GTF3C5: variants seen among roughly 807,000 people sequenced by gnomAD.
GTF3C5 encodes the protein general transcription factor 3C polypeptide 5.
In GTF3C5, 47 loss-of-function variants were observed where a neutral mutation model predicts 61.0. The ratio of observed to expected loss-of-function variants is 0.77; its 90% CI spans 0.61 to 0.98. The LOEUF is 0.98. Ranked by LOEUF, GTF3C5 falls within the 50% of genes least tolerant of loss-of-function variation. GTF3C5 has a pLI of 0.00. For missense variants in GTF3C5, 659 were observed against 703.3 expected, an observed-to-expected ratio of 0.94 and a Z score of 0.71; for synonymous variants, 295 against 275.4, an observed-to-expected ratio of 1.07 and a Z score of -0.71.
At position 133,050,767 on chromosome 9, in the gene GTF3C5, T is replaced by C. The variant is rs1487263801; in HGVS notation, c.573-16T>C. The C allele has an allele frequency of 6.3e-7, 1 of 1,599,322 alleles. No individual in the cohort carries two copies. The highest frequency in any genetic ancestry group is 1.3e-5 in the African/African-American group (1 of 74,360). On this transcript the variant is annotated splice_polypyrimidine_tract_variant and intron_variant, in intron 3 of 10. Coordinates refer to ENST00000372097, the MANE Select transcript of GTF3C5 (RefSeq NM_012087.4). ...GCCTTGGTGCTCCTGTTCTCACCTG[T>C]ACTCTCTGCCCCCAGGGAAGGCTAC...
intron 1 of GTF3C5, among the ~76,000 whole-genome samples, chr9:133,035,209 C>T (rs1038078282): frequency 1.3e-5 from 2 of 152,162 alleles, no homozygotes; most frequent in African/African-American, 4.8e-5. Context: ...GCTTTAATTA[C>T]ATTATTAGCA....
At chr9:133,050,613 AG>A (rs1176177502) in intron 3 of GTF3C5, among the ~76,000 whole-genome samples, 169 bp from the exon 4 acceptor site, 3 of 152,208 alleles carry the variant, frequency 2.0e-5, no homozygotes, top group Non-Finnish European at 2.9e-5. Context: ...CTGTGAATAC[AG>A]GTTCCTTTAG....
chr9:133,057,818 C>T lies in GTF3C5; in HGVS notation c.1398C>T (p.Leu466=). The T allele has an allele frequency of 6.2e-7, 1 of 1,602,568 alleles. No individual in the cohort carries two copies. The highest frequency in any genetic ancestry group is 1.1e-5 in the South Asian group (1 of 89,408). Residue 466 remains leucine, a synonymous_variant, in exon 11 of 11, where the codon CTC becomes CTT. Transcript: ENST00000372097. ...CCTTGTCTCCTCCGGCCCCAGCTCTCTTTTCCAGCTCAGCCAAGGCTGATG... is the reference window on the plus strand; with the variant it reads ...CCTTGTCTCCTCCGGCCCCAGCTCTTTTTTCCAGCTCAGCCAAGGCTGATG... ...RQTIRSKRPA[L]FSSSAKADGG...
At chr9:133,039,069 G>C (rs115240776) in intron 1 of GTF3C5, among the ~76,000 whole-genome samples, 2 of 152,098 alleles carry the variant, frequency 1.3e-5, no homozygotes, top group Non-Finnish European at 2.9e-5. Context: ...TGTATTTTAC[G>C]GGGGAAGGAA....
intron 1 of GTF3C5, among the ~76,000 whole-genome samples, chr9:133,041,371 C>T (rs919998772): frequency 2.0e-5 from 3 of 152,194 alleles, no homozygotes; most frequent in African/African-American, 7.2e-5. Flanking sequence ...CCGTCCTGTA[C>T]GCCTGGCTCT....
intron 3 of GTF3C5, among the ~76,000 whole-genome samples, chr9:133,045,678 C>G (rs1201678519): frequency 6.6e-6 from 1 of 152,108 alleles, no homozygotes; most frequent in African/African-American, 2.4e-5. Context: ...CTCTGTCCAC[C>G]CAGGCTGGAG....
chr9:133,040,294 A>C (rs973469549), intron 1 of GTF3C5, among the ~76,000 whole-genome samples: 1 of 152,138 alleles, frequency 6.6e-6, no homozygotes, highest in Non-Finnish European at 1.5e-5. Context: ...ATCACTTCCT[A>C]AGGGACAGAC....
In GTF3C5 at chr9:133,054,025, C is replaced by A. The variant is rs192917791; in HGVS notation, c.988+83C>A. On this transcript the variant is annotated intron_variant, in intron 6 of 10. Coordinates refer to ENST00000372097, the MANE Select transcript of GTF3C5 (RefSeq NM_012087.4). ...TAGCATTCTCTTTTGTAGTAAGAAT[C>A]TTTTCATTTGGAAAGAATAAAAAAA... 327 of 918,908 alleles carry A rather than the reference C, an allele frequency of 3.6e-4. 5 individuals are homozygous for A. The East Asian group carries it at 4.9e-3, about 14-fold the overall frequency. The allele number at this position is 918,908 out of a possible 1,614,324, so 56.9% of individuals were successfully genotyped here.
rs34524914 is a variant in GTF3C5, at chr9:133,044,146, CAAAAAA to C, written c.572+238_572+243del. On this transcript the variant is annotated intron_variant, in intron 3 of 10. Transcript: ENST00000372097. ...GGTGACAGAGTGAGACTTTGTCTCC[CAAAAAA>C]AAAAAAAAAAAAAAAAAGAAAATGG... The C allele has an allele frequency of 4.4e-3, 476 of 108,392 alleles. 1 individual carries two copies. The highest frequency in any genetic ancestry group is 0.016 in the South Asian group (103 of 6,644). The allele number at this position is 108,392 out of a possible 1,614,324, so 6.7% of individuals were successfully genotyped here. A position where few individuals can be genotyped will look rare whatever the true frequency, so the allele number is the denominator to read the frequency against.
intron 8 of GTF3C5, chr9:133,055,174 C>A (rs749668379): frequency 1.3e-6 from 2 of 1,538,868 alleles, no homozygotes; most frequent in South Asian, 2.4e-5. Context: ...CCAGAGCAGG[C>A]CATGTGGGCT....
intron 1 of GTF3C5, among the ~76,000 whole-genome samples, chr9:133,033,625 G>A (rs1169425479): frequency 2.0e-5 from 3 of 152,100 alleles, no homozygotes; most frequent in African/African-American, 4.8e-5. Context: ...AGAGAGCTCG[G>A]CACGATTTAT....
Position 133,042,152 on chromosome 9 carries a change from A to G in GTF3C5, c.219A>G (p.Pro73=). ...GGCCCAAGGACCCATACTGCCACCC[A>G]GTGTGCGCCAACCGCTTCAGTACCA... is the stretch of plus-strand genomic sequence containing the variant. ...YFRPKDPYCH[P]VCANRFSTSS... is the part of the protein sequence containing the mutation. The change falls in exon 2 of 11, where the codon CCA becomes CCG. Residue 73 remains proline (P), a synonymous_variant. Coordinates refer to ENST00000372097, the MANE Select transcript of GTF3C5 (RefSeq NM_012087.4). 1 of 1,614,076 alleles carries G rather than the reference A, an allele frequency of 6.2e-7. No individual in the cohort carries two copies. The highest frequency in any genetic ancestry group is 1.7e-5 in the Admixed American group (1 of 60,000).
At chr9:133,042,585 A>T (rs1023503824) in intron 2 of GTF3C5, among the ~76,000 whole-genome samples, 5 of 152,204 alleles carry the variant, frequency 3.3e-5, no homozygotes, top group African/African-American at 1.2e-4. Flanking sequence ...GGACCAAATA[A>T]AACTGGTCAG....
chr9:133,055,416 G>A (rs1306060208), intron 8 of GTF3C5: 2 of 1,267,566 alleles, frequency 1.6e-6, no homozygotes, highest in Non-Finnish European at 2.0e-6. Context: ...GTCCCCCAGT[G>A]TCTGGGGCCC....
intron 3 of GTF3C5, chr9:133,044,148 A>G (rs1301805505): frequency 5.1e-6 from 1 of 195,818 alleles, no homozygotes; most frequent in Non-Finnish European, 9.1e-6. Context: ...TTGTCTCCCA[A>G]AAAAAAAAAA....
intron 3 of GTF3C5, 107 bp from the exon 4 acceptor site, chr9:133,050,676 G>A (rs1850343253): frequency 6.7e-6 from 5 of 745,492 alleles, no homozygotes; most frequent in Middle Eastern, 2.6e-4. Flanking sequence ...AGAGGCACAC[G>A]GTGGCTGTGG....
At chr9:133,035,296 C>T (rs547268110) in intron 1 of GTF3C5, among the ~76,000 whole-genome samples, 3 of 152,246 alleles carry the variant, frequency 2.0e-5, no homozygotes, top group Admixed American at 6.5e-5. Context: ...TTTAGGCAAC[C>T]GACTGGGGGC....
chr9:133,041,840 G>C lies in GTF3C5; in HGVS notation c.154-247G>C, dbSNP rs372630602. Among the ~76,000 whole-genome samples the C allele has an allele frequency of 2.6e-5, 4 of 152,308 alleles. No homozygotes were observed. The East Asian group carries it at 7.7e-4, about 29-fold the overall frequency. On this transcript the variant is annotated intron_variant, in intron 1 of 10. Transcript: ENST00000372097. ...AGGACCAACTAATGCCCCACACCGA[G>C]CAGGCACTTGATGGATGATGGCATT...
At chr9:133,040,663 G>T (rs974904423) in intron 1 of GTF3C5, among the ~76,000 whole-genome samples, 1 of 152,072 alleles carries the variant, frequency 6.6e-6, no homozygotes, top group Non-Finnish European at 1.5e-5. Flanking sequence ...TTTGGACCTC[G>T]AAACATTTGC....
Sources: gnomAD v4.1 joint callset for allele counts (sites outside exome capture counted in the v4.1 genomes callset) on GRCh38, gnomAD v4.1.1 for gene constraint, MANE v1.5 for transcripts, NCBI Gene and HGNC (gene_info 2026-07-23, HGNC 2026-07-21) for gene names.